The following MTDH variants were observed in gnomAD, a reference collection of about 807,000 sequenced individuals.
MTDH encodes the protein protein LYRIC.
In MTDH, 34 loss-of-function variants were observed where a neutral mutation model predicts 72.7. The observed-to-expected ratio is 0.47, with a 90% CI of 0.36 to 0.62. The LOEUF is 0.62. MTDH is among the 20% of genes least tolerant of loss of function. MTDH has a pLI of 0.00. For missense variants in MTDH, 677 were observed against 699.4 expected, an observed-to-expected ratio of 0.97 and a Z score of 0.36; for synonymous variants, 266 against 268.9, an observed-to-expected ratio of 0.99 and a Z score of 0.10.
chr8:97,691,982 C>G (rs1041667338), intron 6 of MTDH, among the ~76,000 whole-genome samples: 1 of 152,064 alleles, frequency 6.6e-6, no homozygotes, highest in Non-Finnish European at 1.5e-5. Context: ...CGGGTTCAAG[C>G]GATTCTCCTA....
intron 8 of MTDH, among the ~76,000 whole-genome samples, chr8:97,708,374 C>G (rs1401863213): frequency 7.0e-6 from 1 of 143,806 alleles, no homozygotes; most frequent in East Asian, 2.1e-4. Flanking sequence ...CTCCCCCTCC[C>G]AGGTTCAAGT....
intron 2 of MTDH, among the ~76,000 whole-genome samples, chr8:97,672,957 A>T (rs182024537): frequency 6.6e-6 from 1 of 152,302 alleles, no homozygotes; most frequent in Non-Finnish European, 1.5e-5. Context: ...TGGATCATGT[A>T]TACAAATATA....
At chr8:97,687,998 A>G (rs554897909) in intron 4 of MTDH, among the ~76,000 whole-genome samples, 2 of 152,316 alleles carry the variant, frequency 1.3e-5, no homozygotes, top group African/African-American at 4.8e-5. Flanking sequence ...AAGATGAATC[A>G]TGCATGTTCT....
chr8:97,711,268 T>TAG (rs1814619305), intron 8 of MTDH, among the ~76,000 whole-genome samples: 1 of 150,178 alleles, frequency 6.7e-6, no homozygotes, highest in South Asian at 2.1e-4. Context: ...GAGACTAAGG[T>TAG]AGGAGGATCA....
chr8:97,713,154 G>A (rs781529150), intron 8 of MTDH, among the ~76,000 whole-genome samples: 6 of 151,862 alleles, frequency 4.0e-5, no homozygotes, highest in Non-Finnish European at 8.8e-5. Context: ...GAGTGATTTC[G>A]GCTCACTGCA....
chr8:97,693,808 A>G (rs1220199916), intron 6 of MTDH, among the ~76,000 whole-genome samples: 11 of 151,938 alleles, frequency 7.2e-5, no homozygotes, highest in Admixed American at 5.9e-4. Context: ...CTCGACTTCC[A>G]GGGCTCAAAA....
chr8:97,663,893 A>G (rs1344733214), intron 2 of MTDH, among the ~76,000 whole-genome samples: 1 of 152,160 alleles, frequency 6.6e-6, no homozygotes, highest in Admixed American at 6.5e-5. Flanking sequence ...TACCTGAGCT[A>G]TTGAAAGTAT....
At chr8:97,716,462 G>A (rs1021718701) in intron 9 of MTDH, among the ~76,000 whole-genome samples, 1 of 151,980 alleles carries the variant, frequency 6.6e-6, no homozygotes, top group African/African-American at 2.4e-5. Flanking sequence ...GGCCGAGGCG[G>A]GTGGATCACA....
intron 2 of MTDH, among the ~76,000 whole-genome samples, chr8:97,675,285 G>A (rs1194971787): frequency 2.0e-5 from 3 of 152,222 alleles, no homozygotes; most frequent in African/African-American, 4.8e-5. Flanking sequence ...TCAGGGCTGA[G>A]CACAGTGGCT....
At chr8:97,710,714 A>T (rs1250608010) in intron 8 of MTDH, among the ~76,000 whole-genome samples, 1 of 140,658 alleles carries the variant, frequency 7.1e-6, no homozygotes, top group African/African-American at 2.7e-5. Flanking sequence ...AAAAAAATAG[A>T]TAAGGCCGGG....
intron 10 of MTDH, among the ~76,000 whole-genome samples, 167 bp downstream of exon 10, chr8:97,719,356 G>A (rs1166381022): frequency 6.6e-6 from 1 of 151,890 alleles, no homozygotes; most frequent in Non-Finnish European, 1.5e-5. Context: ...AGCCGGGCAC[G>A]GTGATGGGAG....
At chr8:97,697,979 T>C (rs1813940394) in intron 6 of MTDH, among the ~76,000 whole-genome samples, 1 of 152,162 alleles carries the variant, frequency 6.6e-6, no homozygotes, top group African/African-American at 2.4e-5. Flanking sequence ...GTGAATTTTA[T>C]AGGGTTACTC....
chr8:97,679,121 TG>T (rs1231630228), intron 2 of MTDH, among the ~76,000 whole-genome samples: 2 of 152,124 alleles, frequency 1.3e-5, no homozygotes, highest in Non-Finnish European at 2.9e-5. Context: ...TGATGTGATT[TG>T]GGGGTTGGTT....
At position 97,702,439 on chromosome 8, in the gene MTDH, C is replaced by T. The variant is rs148936998; in HGVS notation, c.1147+2587C>T. Among the ~76,000 whole-genome samples the T allele has an allele frequency of 2.4e-3, 371 of 152,198 alleles. 2 individuals carry two copies. Among genetic ancestry groups the T allele is most frequent in the Admixed American group, 8.5e-3 (129 of 15,258 alleles). ...AAATAACAATTCCTCCCAAACAGTA[C>T]GGCTGAGAAGATTAAATGAGTTAAT... is the stretch of plus-strand genomic sequence containing the variant. On this transcript the variant is annotated intron_variant, in intron 7 of 11. Coordinates refer to ENST00000336273, the MANE Select transcript of MTDH (RefSeq NM_178812.4).
chr8:97,648,937 A>G (rs1415014814), intron 1 of MTDH, among the ~76,000 whole-genome samples: 1 of 152,228 alleles, frequency 6.6e-6, no homozygotes, highest in Non-Finnish European at 1.5e-5. Context: ...CTTTAAGTGG[A>G]AAGTGGCTGT....
At chr8:97,686,260 T>C (rs929198526) in intron 2 of MTDH, among the ~76,000 whole-genome samples, 13 of 152,246 alleles carry the variant, frequency 8.5e-5, no homozygotes, top group Non-Finnish European at 1.8e-4. Flanking sequence ...ATTTATGACG[T>C]AACTTATATT....
chr8:97,675,558 T>TA (rs1283040715), intron 2 of MTDH, among the ~76,000 whole-genome samples: 56 of 93,682 alleles, frequency 6.0e-4, no homozygotes, highest in Middle Eastern at 6.5e-3. Flanking sequence ...AGACTCTGTC[T>TA]CAAAAAAAAA....
rs542799349 is a variant in MTDH, at chr8:97,717,803, G to A, written c.1381-1246G>A. 3.3e-5 allele frequency among the ~76,000 whole-genome samples: 5 copies of A among 152,312 alleles called. No homozygotes were observed. In the East Asian group the frequency reaches 7.7e-4, roughly 23 times the overall value. On this transcript the variant is annotated intron_variant, in intron 9 of 11. Coordinates refer to ENST00000336273, the MANE Select transcript of MTDH (RefSeq NM_178812.4). ...CTCACTCTGTCACCCAGGCTGGAGT[G>A]CAGTGGCACGATCTTGGCTCACTGC...
intron 2 of MTDH, among the ~76,000 whole-genome samples, chr8:97,668,912 C>T (rs1041547488): frequency 6.6e-6 from 1 of 151,942 alleles, no homozygotes; most frequent in Non-Finnish European, 1.5e-5. Flanking sequence ...GTTTTTCCCT[C>T]CTCTACCTAA....
Sources: allele counts gnomAD v4.1 joint callset (sites outside exome capture counted in the v4.1 genomes callset), GRCh38; gene constraint gnomAD v4.1.1; transcripts MANE v1.5; gene names NCBI Gene and HGNC (gene_info 2026-07-23, HGNC 2026-07-21).